Variants in STX8 observed in about 807,000 individuals in gnomAD.
STX8 encodes syntaxin-8.
STX8 carries 23 observed loss-of-function variants against 37.5 expected under a neutral mutation model. The observed-to-expected ratio is 0.61, with a 90% confidence interval of 0.44 to 0.87. The LOEUF (loss-of-function observed/expected upper bound fraction) is 0.87, where lower values mean the gene tolerates loss of function less well. STX8 is among the 40% of genes least tolerant of loss of function. STX8 has a pLI of 0.00. For missense variants in STX8, 313 were observed against 284.7 expected (o/e 1.10, Z -0.71); for synonymous variants, 115 against 99.1 (o/e 1.16, Z -0.95).
At chr17:9,551,831 A>G (rs1485415897) in intron 3 of STX8, among the ~76,000 whole-genome samples, 1 of 151,970 alleles carries the variant, frequency 6.6e-6, no homozygotes, top group East Asian at 1.9e-4. Context: ...TGTTGTTCCC[A>G]CGATACCAAT....
intron 7 of STX8, among the ~76,000 whole-genome samples, chr17:9,258,511 C>T (rs1906885634): frequency 6.6e-6 from 1 of 152,368 alleles, no homozygotes; most frequent in East Asian, 1.9e-4. Flanking sequence ...TAGCAGCCTT[C>T]CTACAGCCGC....
intron 6 of STX8, among the ~76,000 whole-genome samples, chr17:9,410,466 A>G (rs572919007): frequency 1.3e-5 from 2 of 152,320 alleles, no homozygotes; most frequent in East Asian, 3.9e-4. Flanking sequence ...ACTGGCTCCC[A>G]CACGTCATAA....
chr17:9,438,245 A>G (rs1399444502), intron 6 of STX8, among the ~76,000 whole-genome samples: 1 of 151,394 alleles, frequency 6.6e-6, no homozygotes, highest in African/African-American at 2.4e-5. Context: ...CATCTCAAAA[A>G]AAAAAAAAAA....
intron 6 of STX8, among the ~76,000 whole-genome samples, chr17:9,475,215 G>T (rs1442243444): frequency 1.3e-5 from 2 of 152,202 alleles, no homozygotes; most frequent in Non-Finnish European, 2.9e-5. Context: ...ACACGAAGAA[G>T]CGTTATCAAT....
intron 4 of STX8, among the ~76,000 whole-genome samples, chr17:9,530,803 G>T (rs898170710): frequency 5.3e-5 from 8 of 152,070 alleles, no homozygotes; most frequent in Non-Finnish European, 8.8e-5. Context: ...TTGATAAAAA[G>T]AATTTTTTGT....
At chr17:9,362,828 C>CAAAAAAAA (rs765809132) in intron 7 of STX8, among the ~76,000 whole-genome samples, 2 of 102,054 alleles carry the variant, frequency 2.0e-5, no homozygotes, top group African/African-American at 4.7e-5. Context: ...GACTCCGTCT[C>CAAAAAAAA]AAAAAAAAAA....
At chr17:9,355,071 A>G (rs1910831961) in intron 7 of STX8, among the ~76,000 whole-genome samples, 1 of 152,016 alleles carries the variant, frequency 6.6e-6, no homozygotes, top group Non-Finnish European at 1.5e-5. Flanking sequence ...CTTCTCTTTA[A>G]CTGGGTGCTC....
Position 9,256,688 on chromosome 17 carries a change from C to T in STX8, c.644-6043G>A, listed in dbSNP as rs937903518. 4.6e-5 allele frequency among the ~76,000 whole-genome samples: 7 copies of T among 152,212 alleles called. No individual in the cohort carries two copies. In the South Asian group the frequency reaches 6.2e-4, roughly 14 times the overall value. ...ACCCACATAACCACAGAGGGTCTGA[C>T]GGTTCCTAAAGGCAGAGGCAGGGAA... On this transcript the variant is annotated intron_variant, in intron 7 of 7. Transcript: ENST00000306357.
At chr17:9,528,318 AC>A (rs143052700) in intron 4 of STX8, among the ~76,000 whole-genome samples, 30,670 of 152,042 alleles carry the variant, frequency 0.2, 3,097 homozygotes, top group South Asian at 0.24. Flanking sequence ...GACTTTTTTG[AC>A]ACGGACTCTC....
chr17:9,571,784 G>A (rs1427387533), intron 1 of STX8, among the ~76,000 whole-genome samples: 5 of 151,186 alleles, frequency 3.3e-5, no homozygotes, highest in African/African-American at 4.9e-5. Context: ...GCATGGTGGC[G>A]GGTGCTTGTA....
At chr17:9,470,091 G>A (rs1193478804) in intron 6 of STX8, 1 of 152,138 alleles carries the variant, frequency 6.6e-6, no homozygotes, top group Non-Finnish European at 1.5e-5. Flanking sequence ...CCCAACTACT[G>A]TTTGAAATGG....
Position 9,545,238 on chromosome 17 carries a change from A to T in STX8, c.257T>A (p.Leu86His). 2.5e-6 allele frequency: 4 copies of T among 1,614,194 alleles called. No homozygotes were observed. Among genetic ancestry groups the T allele is most frequent in the Non-Finnish European group, 3.4e-6 (4 of 1,180,034 alleles). The change falls in exon 4 of 8, where the codon CTT becomes CAT. Residue 86 changes from leucine to histidine, a missense_variant. By Grantham distance (99) the Leu-to-His change is moderately conservative. Transcript: ENST00000306357. The part of the protein sequence containing the change: ...GDRRQNLLDD[L>H]VTRERLLLAS... ...CAGAAGTAGTCTCTCTCGAGTTACA[A>T]GATCATCCAAGAGGTTCTGTCTTCG...
At chr17:9,522,661 G>A (rs904875914) in intron 4 of STX8, among the ~76,000 whole-genome samples, 2 of 151,806 alleles carry the variant, frequency 1.3e-5, no homozygotes, top group Non-Finnish European at 2.9e-5. Flanking sequence ...GCAGTGAGCC[G>A]AGATCGCGCC....
chr17:9,422,961 A>T (rs1296253236), intron 6 of STX8, among the ~76,000 whole-genome samples: 1 of 152,280 alleles, frequency 6.6e-6, no homozygotes, highest in East Asian at 1.9e-4. Context: ...AATACCATGC[A>T]GCTCCTCAGA....
At chr17:9,484,135 AC>A (rs1906472346) in intron 6 of STX8, among the ~76,000 whole-genome samples, 6 of 152,170 alleles carry the variant, frequency 3.9e-5, no homozygotes, top group Non-Finnish European at 7.3e-5. Flanking sequence ...CAGTTTCTGA[AC>A]CCTTATTCAT....
intron 1 of STX8, among the ~76,000 whole-genome samples, chr17:9,571,407 T>A (rs553327787): frequency 2.8e-4 from 43 of 152,024 alleles, no homozygotes; most frequent in African/African-American, 1.0e-3. Flanking sequence ...CGGGAACCCT[T>A]GGCCTGGGGC....
At chr17:9,369,409 C>T (rs1911332981) in intron 7 of STX8, among the ~76,000 whole-genome samples, 2 of 152,030 alleles carry the variant, frequency 1.3e-5, no homozygotes, top group Admixed American at 1.3e-4. Flanking sequence ...TCTTGATAAA[C>T]AGCATGATAA....
intron 2 of STX8, among the ~76,000 whole-genome samples, chr17:9,559,754 A>ATTT (rs1261471068): frequency 1.1e-3 from 38 of 33,548 alleles, no homozygotes; most frequent in African/African-American, 1.3e-3. Context: ...ATATATATAT[A>ATTT]TATATATTTT....
rs187612630 is a variant in STX8, at chr17:9,259,371, G to A, written c.644-8726C>T. 2.3e-3 allele frequency among the ~76,000 whole-genome samples: 349 copies of A among 152,262 alleles called. 3 individuals are homozygous for A. Among genetic ancestry groups the A allele is most frequent in the African/African-American group, 8.1e-3 (335 of 41,552 alleles). On this transcript the variant is annotated intron_variant, in intron 7 of 7. Coordinates refer to ENST00000306357, the MANE Select transcript of STX8 (RefSeq NM_004853.3). ...GGTGCCTAGTGGTCGCAGGTGCTCCGTAAATGTCCTGCAACAGAGCCAGTC... is the reference window on the plus strand; with the variant it reads ...GGTGCCTAGTGGTCGCAGGTGCTCCATAAATGTCCTGCAACAGAGCCAGTC...
Sources: allele counts gnomAD v4.1 joint callset (sites outside exome capture counted in the v4.1 genomes callset), GRCh38; gene constraint gnomAD v4.1.1; transcripts MANE v1.5; gene names NCBI Gene and HGNC (gene_info 2026-07-23, HGNC 2026-07-21).